The following POU6F1 variants were observed in gnomAD, a reference collection of about 807,000 sequenced individuals.
POU6F1 encodes the protein POU class 6 homeobox 1, also known as POU domain, class 6, transcription factor 1.
A neutral mutation model predicts 28.9 loss-of-function variants in POU6F1; 9 were observed. The observed-to-expected ratio is 0.31, with a 90% CI of 0.19 to 0.54. POU6F1 has a LOEUF of 0.54. POU6F1 is among the 20% of genes least tolerant of loss of function. The pLI, the probability that POU6F1 is intolerant of heterozygous loss-of-function variation, is 0.94. For synonymous variants in POU6F1, 173 were observed against 171.1 expected (o/e 1.01, Z -0.09); for missense variants, 338 against 426.1 (o/e 0.79, Z 1.82).
In POU6F1 at chr12:51,196,931, T is replaced by C; in HGVS notation, c.847-4A>G. On this transcript the variant is annotated splice_region_variant and splice_polypyrimidine_tract_variant and intron_variant, in intron 6 of 10. Transcript: ENST00000333640. ...CCCCGAGGGAAGCAGCACTGATCTGTGGGTGGAGGAAGAGCCTTGCTCAGA... is the reference window on the plus strand; with the variant it reads ...CCCCGAGGGAAGCAGCACTGATCTGCGGGTGGAGGAAGAGCCTTGCTCAGA... The C allele has an allele frequency of 6.5e-7, 1 of 1,542,838 alleles. No individual in the cohort carries two copies. Among genetic ancestry groups the C allele is most frequent in the East Asian group, 2.3e-5 (1 of 44,352 alleles).
At position 51,196,178 on chromosome 12, in the gene POU6F1, G is replaced by T. The variant is rs761119208; in HGVS notation, c.976-5C>A. On this transcript the variant is annotated splice_region_variant and splice_polypyrimidine_tract_variant and intron_variant, in intron 7 of 10. Coordinates refer to ENST00000333640, the MANE Select transcript of POU6F1 (RefSeq NM_001330422.2). ...CCATGGAAGGGTTCCAATAACCTGG[G>T]AGGAAATAAGGCAGGGACCCCAGGT... is the stretch of plus-strand genomic sequence containing the variant. 1.3e-6 allele frequency: 2 copies of T among 1,501,270 alleles called. No homozygotes were observed. Among genetic ancestry groups the T allele is most frequent in the South Asian group, 2.8e-5 (2 of 72,702 alleles). 93.0% of individuals were successfully genotyped at this position (1,501,270 alleles called of 1,614,324 possible). A position where few individuals can be genotyped will look rare whatever the true frequency, so the allele number is the denominator to read the frequency against.
chr12:51,201,624 C>T (rs993163979), intron 3 of POU6F1: 2 of 151,356 alleles, frequency 1.3e-5, no homozygotes, highest in African/African-American at 4.9e-5. Context: ...TGTGACAAAG[C>T]ATAACAAGTA....
chr12:51,195,502 A>C (rs1219475556), intron 8 of POU6F1, among the ~76,000 whole-genome samples: 1 of 46,412 alleles, frequency 2.2e-5, no homozygotes, highest in African/African-American at 1.1e-4. Flanking sequence ...TGTCTTCAGC[A>C]CTTGGAATAA....
chr12:51,192,628 G>A (rs555524057), intron 8 of POU6F1, among the ~76,000 whole-genome samples, 157 bp from the exon 9 acceptor site: 1 of 152,332 alleles, frequency 6.6e-6, no homozygotes, highest in South Asian at 2.1e-4. Flanking sequence ...GACTAGGCAG[G>A]GCATGGTGGC....
intron 1 of POU6F1, among the ~76,000 whole-genome samples, chr12:51,208,189 A>G (rs1183534449): frequency 6.6e-6 from 1 of 151,090 alleles, no homozygotes; most frequent in Non-Finnish European, 1.5e-5. Context: ...TGAGGTGGGA[A>G]GATCGCTTGA....
At chr12:51,194,909 C>T (rs1382778358) in intron 8 of POU6F1, among the ~76,000 whole-genome samples, 4 of 152,164 alleles carry the variant, frequency 2.6e-5, no homozygotes, top group Admixed American at 6.5e-5. Flanking sequence ...GCTGCATTTG[C>T]GAACCACTGG....
chr12:51,217,600 C>T lies in POU6F1; in HGVS notation c.-48+42G>A, dbSNP rs867232625. 3 of 152,086 alleles carry T rather than the reference C, an allele frequency of 2.0e-5. No individual in the cohort carries two copies. The highest frequency in any genetic ancestry group is 4.4e-5 in the Non-Finnish European group (3 of 68,008). 9.4% of individuals were successfully genotyped at this position (152,086 alleles called of 1,614,324 possible). On this transcript the variant is annotated intron_variant, in intron 1 of 10. Transcript: ENST00000333640. The surrounding 1 kb of genome is among the most constrained non-coding windows in gnomAD (Gnocchi z 5.3). ...AACCTCCCCTGCCCGGCCCCCTCCC[C>T]CTCCGTGCAAACCCCTCCCCGCCCC...
Position 51,196,668 on chromosome 12 carries a change from C to T in POU6F1, c.975+131G>A, listed in dbSNP as rs559294224. 214 of 1,149,610 alleles carry T rather than the reference C, an allele frequency of 1.9e-4. No individual in the cohort carries two copies. In the East Asian group the frequency reaches 2.3e-3, roughly 12 times the overall value. The allele number at this position is 1,149,610 out of a possible 1,614,324, so 71.2% of individuals were successfully genotyped here. On this transcript the variant is annotated intron_variant, in intron 7 of 10. Transcript: ENST00000333640. Reference sequence around the variant, plus strand: ...AGCTTCAGCATCGGCAGAAAGCCGCCGCAGAGGAGATAGGAACAACAGCTT... The same window carrying T: ...AGCTTCAGCATCGGCAGAAAGCCGCTGCAGAGGAGATAGGAACAACAGCTT...
Position 51,189,486 on chromosome 12 carries a change from G to A in POU6F1, c.*761C>T, listed in dbSNP as rs559943046. 1.3e-5 allele frequency: 2 copies of A among 152,302 alleles called. No homozygotes were observed. Among genetic ancestry groups the A allele is most frequent in the East Asian group, 3.9e-4 (2 of 5,180 alleles). 9.4% of individuals were successfully genotyped at this position (152,302 alleles called of 1,614,324 possible). A position where few individuals can be genotyped will look rare whatever the true frequency, so the allele number is the denominator to read the frequency against. Reference sequence around the variant, plus strand: ...TTATTTTCTAAATTCCCAACCTTCTGCAGACCCAGGAGAACTCCAGAACAG... The same window carrying A: ...TTATTTTCTAAATTCCCAACCTTCTACAGACCCAGGAGAACTCCAGAACAG... On this transcript the variant is annotated 3_prime_UTR_variant, in exon 11 of 11. Transcript: ENST00000333640.
At position 51,196,946 on chromosome 12, in the gene POU6F1, C is replaced by T; in HGVS notation, c.847-19G>A. On this transcript the variant is annotated intron_variant, in intron 6 of 10. Transcript: ENST00000333640. Reference sequence around the variant, plus strand: ...CACTGATCTGTGGGTGGAGGAAGAGCCTTGCTCAGAAGCCAAGGGGTGAGA... The same window carrying T: ...CACTGATCTGTGGGTGGAGGAAGAGTCTTGCTCAGAAGCCAAGGGGTGAGA... The T allele has an allele frequency of 6.8e-7, 1 of 1,481,434 alleles. No homozygotes were observed. The highest frequency in any genetic ancestry group is 9.4e-7 in the Non-Finnish European group (1 of 1,068,074). The allele number at this position is 1,481,434 out of a possible 1,614,324, so 91.8% of individuals were successfully genotyped here. A position where few individuals can be genotyped will look rare whatever the true frequency, so the allele number is the denominator to read the frequency against.
chr12:51,193,173 C>T (rs1286361530), intron 8 of POU6F1, among the ~76,000 whole-genome samples: 1 of 152,190 alleles, frequency 6.6e-6, no homozygotes, highest in Non-Finnish European at 1.5e-5. Context: ...GCACCAAATG[C>T]GCATTGAACA....
chr12:51,193,325 C>G (rs187855078), intron 8 of POU6F1, among the ~76,000 whole-genome samples: 1 of 152,144 alleles, frequency 6.6e-6, no homozygotes, highest in Admixed American at 6.5e-5. Context: ...CGGTGGCTCA[C>G]GCACTTTGGG....
rs751517418 is a variant in POU6F1 at position 51,196,789 on chromosome 12, G to A, written c.975+10C>T. Reference sequence around the variant, plus strand: ...GTCCCCACCCTCCAGCCCTGTCTTTGGCCACTTGCCTGTCCCTGAGCATTG... The same window carrying A: ...GTCCCCACCCTCCAGCCCTGTCTTTAGCCACTTGCCTGTCCCTGAGCATTG... On this transcript the variant is annotated intron_variant, in intron 7 of 10. Transcript: ENST00000333640. 5.0e-6 allele frequency: 8 copies of A among 1,613,772 alleles called. No individual in the cohort carries two copies. The highest frequency in any genetic ancestry group is 6.8e-6 in the Non-Finnish European group (8 of 1,179,844).
chr12:51,200,334 C>T (rs886583033), intron 3 of POU6F1, among the ~76,000 whole-genome samples: 2 of 152,188 alleles, frequency 1.3e-5, no homozygotes, highest in African/African-American at 4.8e-5. Flanking sequence ...GCTGAAAGGG[C>T]AGGAGTTCCT....
At chr12:51,192,523 G>A in intron 8 of POU6F1, 52 bp from the exon 9 acceptor site, 1 of 1,591,050 alleles carries the variant, frequency 6.3e-7, no homozygotes. Context: ...GGCTCAGGGA[G>A]TTAAAATCCC....
chr12:51,199,862 G>A lies in POU6F1; in HGVS notation c.251C>T (p.Ser84Leu). 2.5e-6 allele frequency: 1 copy of A among 399,384 alleles called. No individual in the cohort carries two copies. The highest frequency in any genetic ancestry group is 4.4e-6 in the Non-Finnish European group (1 of 226,234). 24.7% of individuals were successfully genotyped at this position (399,384 alleles called of 1,614,324 possible). A position where few individuals can be genotyped will look rare whatever the true frequency, so the allele number is the denominator to read the frequency against. Residue 84 changes from serine (S) to leucine (L), a missense_variant, in exon 4 of 11, where the codon TCA becomes TTA. This residue lies in a region of POU6F1 where 206 missense variants were observed against 225.6 expected (regional missense o/e 0.91). Transcript: ENST00000333640. This position sits in a 1 kb window ranked among gnomAD's most constrained non-coding sequence, Gnocchi z 4.1. ...AGGGCTCGGAGGGATCCCCGGGGGT[G>A]ACTTCACTTCACAAGGCATTGAGAG... ...LGSSAEATVK[S>L]PPGIPPSPAT...
At chr12:51,205,524 A>T (rs963725638) in intron 2 of POU6F1, among the ~76,000 whole-genome samples, 1 of 152,182 alleles carries the variant, frequency 6.6e-6, no homozygotes, top group Non-Finnish European at 1.5e-5. Flanking sequence ...CAGCACGGAA[A>T]CCCTGCCAAT....
At chr12:51,209,617 T>G (rs1943857115) in intron 1 of POU6F1, among the ~76,000 whole-genome samples, 1 of 152,242 alleles carries the variant, frequency 6.6e-6, no homozygotes, top group African/African-American at 2.4e-5. Flanking sequence ...TTTGAACACC[T>G]GCTTCCAATT....
chr12:51,200,815 G>A (rs549460109), intron 3 of POU6F1, among the ~76,000 whole-genome samples: 1 of 152,156 alleles, frequency 6.6e-6, no homozygotes, highest in South Asian at 2.1e-4. Flanking sequence ...AGCCTCCCAA[G>A]CAGTTGAGAT....
Sources: allele counts gnomAD v4.1 joint callset (sites outside exome capture counted in the v4.1 genomes callset), GRCh38; gene constraint gnomAD v4.1.1; regional missense constraint gnomAD v4.1.1; non-coding constraint Gnocchi (gnomAD v3.1); transcripts MANE v1.5; gene names NCBI Gene and HGNC (gene_info 2026-07-23, HGNC 2026-07-21).